The following MAN2B2 variants were observed in gnomAD, a reference collection of about 807,000 sequenced individuals.
The protein encoded by MAN2B2 is epididymis-specific alpha-mannosidase.
Under a neutral mutation model 117.1 loss-of-function variants are expected in MAN2B2, and 106 were observed. That is an observed-to-expected ratio of 0.90 (90% CI 0.77 to 1.06). The LOEUF (loss-of-function observed/expected upper bound fraction) is 1.06. Among genes scored for constraint, MAN2B2 ranks in the 50% least tolerant of loss-of-function variants. The pLI, the probability that MAN2B2 is intolerant of heterozygous loss-of-function variation, is 0.00. For missense variants in MAN2B2, 1,326 were observed against 1,381.4 expected, an observed-to-expected ratio of 0.96 and a Z score of 0.64; for synonymous variants, 544 against 595.1, an observed-to-expected ratio of 0.91 and a Z score of 1.25.
At chr4:6,583,028 A>G (rs1445831409) in intron 3 of MAN2B2, among the ~76,000 whole-genome samples, 1 of 152,198 alleles carries the variant, frequency 6.6e-6, no homozygotes, top group Admixed American at 6.5e-5. Context: ...GCTCTGCTCC[A>G]TGGAGTGACC....
rs953656712 is a variant in MAN2B2, at chr4:6,605,643, T to C, written c.1814+314T>C. Among the ~76,000 whole-genome samples the C allele has an allele frequency of 3.9e-5, 6 of 152,122 alleles. No individual in the cohort carries two copies. The East Asian group carries it at 1.2e-3, about 29-fold the overall frequency. On this transcript the variant is annotated intron_variant, in intron 11 of 18. Transcript: ENST00000285599. ...AAACATAAAATCTCTATTCAGTAAA[T>C]AGTGTTACTGTCTTTAAAGCAGGAC...
intron 2 of MAN2B2, 96 bp downstream of exon 2, chr4:6,576,820 G>T (rs951952798): frequency 1.4e-5 from 21 of 1,493,248 alleles, no homozygotes; most frequent in Non-Finnish European, 1.9e-5. Flanking sequence ...GCCAGGGCCA[G>T]GCTGGCATAA....
In MAN2B2 at chr4:6,614,089, T is replaced by C. The variant is rs1286026977; in HGVS notation, c.2564-129T>C. ...ACAAACACTTTGGGCTGGTGCGGGG[T>C]AGGCTACCCACAAGGATGCATGGGA... On this transcript the variant is annotated intron_variant, in intron 15 of 18. Coordinates refer to ENST00000285599, the MANE Select transcript of MAN2B2 (RefSeq NM_015274.3). 6.0e-6 allele frequency: 7 copies of C among 1,173,514 alleles called. No homozygotes were observed. The African/African-American group carries it at 9.3e-5, about 16-fold the overall frequency. The allele number at this position is 1,173,514 out of a possible 1,614,324, so 72.7% of individuals were successfully genotyped here.
At chr4:6,601,843 G>A (rs1727342325) in intron 10 of MAN2B2, among the ~76,000 whole-genome samples, 1 of 152,208 alleles carries the variant, frequency 6.6e-6, no homozygotes, top group African/African-American at 2.4e-5. Context: ...GCTGCGAGGT[G>A]GCAAACTCCC....
chr4:6,609,320 C>A, intron 12 of MAN2B2, 22 bp downstream of exon 12: 2 of 1,608,190 alleles, frequency 1.2e-6, no homozygotes, highest in Non-Finnish European at 1.7e-6. Context: ...GGGGTGACCC[C>A]CACAGCCCGG....
At position 6,594,736 on chromosome 4, in the gene MAN2B2, C is replaced by G; in HGVS notation, c.1057+4C>G. ...GACTTCCTGCCCTATTCCACAGGTACAGGCTTCCAGGGGCTGGGGTGGTAG... is the reference window on the plus strand; with the variant it reads ...GACTTCCTGCCCTATTCCACAGGTAGAGGCTTCCAGGGGCTGGGGTGGTAG... On this transcript the variant is annotated splice_donor_region_variant and intron_variant, in intron 7 of 18. Coordinates refer to ENST00000285599, the MANE Select transcript of MAN2B2 (RefSeq NM_015274.3). 6.2e-7 allele frequency: 1 copy of G among 1,607,344 alleles called. No homozygotes were observed.
intron 7 of MAN2B2, among the ~76,000 whole-genome samples, chr4:6,596,392 T>A (rs1473535963): frequency 6.6e-6 from 1 of 151,820 alleles, no homozygotes; most frequent in Non-Finnish European, 1.5e-5. Flanking sequence ...TCAGGACCAG[T>A]GGGGGAAGAA....
intron 2 of MAN2B2, among the ~76,000 whole-genome samples, chr4:6,577,475 G>A (rs147409424): frequency 1.5e-4 from 23 of 152,312 alleles, no homozygotes; most frequent in Middle Eastern, 3.4e-3. Context: ...AGAGCAGGGC[G>A]TCCACCAGGC....
chr4:6,598,414 CAG>C, intron 9 of MAN2B2, 60 bp downstream of exon 9: 1 of 1,552,242 alleles, frequency 6.4e-7, no homozygotes, highest in Middle Eastern at 2.3e-4. Context: ...CTGAGGAGGT[CAG>C]GGGAGGGGCT....
intron 3 of MAN2B2, among the ~76,000 whole-genome samples, chr4:6,585,742 A>G (rs1404220031): frequency 6.6e-6 from 1 of 152,168 alleles, no homozygotes; most frequent in Non-Finnish European, 1.5e-5. Flanking sequence ...GGGCAGTGTC[A>G]TCTGAAGGCT....
intron 3 of MAN2B2, among the ~76,000 whole-genome samples, chr4:6,579,377 CACCACT>C (rs1412402201): frequency 2.2e-5 from 2 of 92,948 alleles, no homozygotes; most frequent in African/African-American, 7.1e-5. Context: ...TCACCACCAC[CACCACT>C]ACCCTTCACC....
intron 16 of MAN2B2, among the ~76,000 whole-genome samples, 156 bp downstream of exon 16, chr4:6,614,511 G>A (rs1041328314): frequency 6.6e-6 from 1 of 152,140 alleles, no homozygotes; most frequent in Non-Finnish European, 1.5e-5. Context: ...GTGAGGCCCA[G>A]GGAGAGTCAG....
chr4:6,614,657 C>T (rs909862206), intron 16 of MAN2B2, among the ~76,000 whole-genome samples: 2 of 152,194 alleles, frequency 1.3e-5, no homozygotes, highest in Non-Finnish European at 2.9e-5. Context: ...CCCCCTGACC[C>T]CCAGGTTGCC....
chr4:6,589,209 C>T, intron 5 of MAN2B2, 49 bp downstream of exon 5: 1 of 1,354,902 alleles, frequency 7.4e-7, no homozygotes, highest in Non-Finnish European at 1.1e-6. Context: ...GCAGGGTCTG[C>T]CCAGCCCCTG....
chr4:6,617,235 G>A (rs144556712), intron 16 of MAN2B2, 145 bp from the exon 17 acceptor site: 1 of 617,360 alleles, frequency 1.6e-6, no homozygotes, highest in Non-Finnish European at 2.9e-6. Context: ...TTCACGATGA[G>A]ATTTGGTTGG....
At chr4:6,613,829 G>GA (rs33921115) in intron 15 of MAN2B2, among the ~76,000 whole-genome samples, 36,521 of 148,786 alleles carry the variant, frequency 0.25, 5,024 homozygotes, top group East Asian at 0.55. Context: ...AGGAAGGAAG[G>GA]AAAAAAGAGG....
rs1256160452 is a variant in MAN2B2, at chr4:6,622,820, C to T, written c.*1535C>T. The T allele has an allele frequency of 6.6e-6, 1 of 151,150 alleles. No homozygotes were observed. The highest frequency in any genetic ancestry group is 1.5e-5 in the Non-Finnish European group (1 of 68,134). The allele number at this position is 151,150 out of a possible 1,614,324, so 9.4% of individuals were successfully genotyped here. A position where few individuals can be genotyped will look rare whatever the true frequency, so the allele number is the denominator to read the frequency against. ...AAGGAAAGTACCCAGAAAGGACCAGCTTGGAAGGAGTCAGACCTCTGGACA... is the reference window on the plus strand; with the variant it reads ...AAGGAAAGTACCCAGAAAGGACCAGTTTGGAAGGAGTCAGACCTCTGGACA... On this transcript the variant is annotated 3_prime_UTR_variant, in exon 19 of 19. Coordinates refer to ENST00000285599, the MANE Select transcript of MAN2B2 (RefSeq NM_015274.3).
At chr4:6,582,218 C>T (rs1220668859) in intron 3 of MAN2B2, among the ~76,000 whole-genome samples, 1 of 152,166 alleles carries the variant, frequency 6.6e-6, no homozygotes, top group Middle Eastern at 3.2e-3. Flanking sequence ...AGCCCTGTCC[C>T]CCAACCCCAC....
At chr4:6,589,738 G>C (rs1156715711) in intron 5 of MAN2B2, among the ~76,000 whole-genome samples, 1 of 152,170 alleles carries the variant, frequency 6.6e-6, no homozygotes, top group Non-Finnish European at 1.5e-5. Flanking sequence ...GTGTGACTCT[G>C]AATTGCTTCT....
Sources: allele counts gnomAD v4.1 joint callset (sites outside exome capture counted in the v4.1 genomes callset), GRCh38; gene constraint gnomAD v4.1.1; transcripts MANE v1.5; gene names NCBI Gene and HGNC (gene_info 2026-07-23, HGNC 2026-07-21).